The following SSBP2 variants were observed in gnomAD, a reference collection of about 807,000 sequenced individuals.
SSBP2 encodes single stranded DNA binding protein 2, also known as single-stranded DNA-binding protein 2.
SSBP2 carries 17 observed loss-of-function variants against 61.8 expected under a neutral mutation model. The observed-to-expected ratio is 0.28, with a 90% CI of 0.19 to 0.41. The LOEUF (loss-of-function observed/expected upper bound fraction) is 0.41, where lower values mean the gene tolerates loss of function less well. Ranked by LOEUF, SSBP2 falls within the 10% of genes least tolerant of loss-of-function variation. The probability of loss-of-function intolerance (pLI) is 1.00; values close to 1 mark genes in which losing one functional copy is unlikely to be tolerated. For synonymous variants in SSBP2, 139 were observed against 141.3 expected (o/e 0.98, Z 0.12); for missense variants, 310 against 458.7 (o/e 0.68, Z 2.96).
intron 6 of SSBP2, among the ~76,000 whole-genome samples, chr5:81,477,495 T>G (rs1279554787): frequency 6.6e-6 from 1 of 152,190 alleles, no homozygotes; most frequent in Non-Finnish European, 1.5e-5. Context: ...TGTTAGTTAC[T>G]TATTACTCCT....
chr5:81,437,376 T>C (rs748785463), intron 15 of SSBP2, 54 bp downstream of exon 15: 29 of 1,525,110 alleles, frequency 1.9e-5, no homozygotes, highest in Non-Finnish European at 2.6e-5. Context: ...TTTTAATGAG[T>C]TCCATGTTAA....
chr5:81,506,888 C>T (rs893772641), intron 5 of SSBP2, among the ~76,000 whole-genome samples: 11 of 151,840 alleles, frequency 7.2e-5, no homozygotes, highest in African/African-American at 2.7e-4. Context: ...AATTATTTTT[C>T]TCATTTTTGA....
At chr5:81,421,525 A>C (rs1580632658) in intron 16 of SSBP2, among the ~76,000 whole-genome samples, 1 of 152,130 alleles carries the variant, frequency 6.6e-6, no homozygotes, top group South Asian at 2.1e-4. Context: ...TCATTTTTGC[A>C]CGTGAGTAGG....
At chr5:81,577,003 G>A (rs1581068322) in intron 4 of SSBP2, among the ~76,000 whole-genome samples, 1 of 152,058 alleles carries the variant, frequency 6.6e-6, no homozygotes, top group East Asian at 1.9e-4. Context: ...TAAGTTCCAG[G>A]AAGGCAAGCA....
intron 1 of SSBP2, among the ~76,000 whole-genome samples, chr5:81,652,034 C>T (rs1478697037): frequency 6.6e-6 from 1 of 152,074 alleles, no homozygotes; most frequent in Admixed American, 6.6e-5. Flanking sequence ...AGAGCCAAAC[C>T]AGTGGTTAGC....
chr5:81,639,590 T>A (rs1173601543), intron 2 of SSBP2, among the ~76,000 whole-genome samples: 1 of 151,888 alleles, frequency 6.6e-6, no homozygotes, highest in African/African-American at 2.4e-5. Flanking sequence ...TAAAGTGGAA[T>A]TACAACTTTA....
chr5:81,531,181 T>G (rs2154105398), intron 4 of SSBP2, among the ~76,000 whole-genome samples: 1 of 142,982 alleles, frequency 7.0e-6, no homozygotes, highest in Admixed American at 7.4e-5. Flanking sequence ...AAGACTGCAG[T>G]GAGCCATGAC....
intron 10 of SSBP2, among the ~76,000 whole-genome samples, chr5:81,460,377 A>G (rs1253749595): frequency 6.6e-6 from 1 of 152,200 alleles, no homozygotes; most frequent in Non-Finnish European, 1.5e-5. Context: ...GGTTTCAAAG[A>G]CAAGAAGGAA....
intron 5 of SSBP2, among the ~76,000 whole-genome samples, chr5:81,500,041 C>A (rs1767581235): frequency 6.6e-6 from 1 of 152,116 alleles, no homozygotes; most frequent in African/African-American, 2.4e-5. Flanking sequence ...GGCCTATGGG[C>A]TTGATCTTCT....
chr5:81,420,443 C>T lies in SSBP2; in HGVS notation c.*61G>A. ...GTACACTGTGATGAATAATTTTCTT[C>T]CGTAGTAGTTCTGTGAAGGGCTGAC... On this transcript the variant is annotated 3_prime_UTR_variant, in exon 17 of 17. Transcript: ENST00000320672. 6.7e-7 allele frequency: 1 copy of T among 1,500,982 alleles called. No homozygotes were observed. The highest frequency in any genetic ancestry group is 9.3e-7 in the Non-Finnish European group (1 of 1,077,800). 93.0% of individuals were successfully genotyped at this position (1,500,982 alleles called of 1,614,324 possible). A position where few individuals can be genotyped will look rare whatever the true frequency, so the allele number is the denominator to read the frequency against.
intron 4 of SSBP2, among the ~76,000 whole-genome samples, chr5:81,585,823 C>T (rs1469015637): frequency 6.6e-6 from 1 of 152,168 alleles, no homozygotes; most frequent in African/African-American, 2.4e-5. Flanking sequence ...TCCCTCCCCA[C>T]CAGCCTCTGG....
intron 1 of SSBP2, among the ~76,000 whole-genome samples, chr5:81,662,733 G>C (rs1015554284): frequency 1.3e-5 from 2 of 151,846 alleles, no homozygotes; most frequent in East Asian, 3.9e-4. Context: ...CCCTGGAGGC[G>C]GAGGTTGCAG....
At chr5:81,440,755 G>A (rs1197556675) in intron 13 of SSBP2, 119 bp from the exon 14 acceptor site, 1 of 684,272 alleles carries the variant, frequency 1.5e-6, no homozygotes, top group Non-Finnish European at 2.4e-6. Flanking sequence ...TTCAAGCTAT[G>A]GAGATCTTTT....
chr5:81,579,459 C>A (rs1239847634), intron 4 of SSBP2, among the ~76,000 whole-genome samples: 3 of 151,914 alleles, frequency 2.0e-5, no homozygotes, highest in Non-Finnish European at 4.4e-5. Flanking sequence ...GCTCTAAGTG[C>A]TAAGGTCTAA....
intron 4 of SSBP2, among the ~76,000 whole-genome samples, chr5:81,515,577 G>A (rs1254772107): frequency 6.6e-6 from 1 of 151,684 alleles, no homozygotes; most frequent in African/African-American, 2.4e-5. Flanking sequence ...TCTATTCAAA[G>A]GAATAGGCAT....
chr5:81,686,584 C>T (rs906403279), intron 1 of SSBP2, among the ~76,000 whole-genome samples: 1 of 151,738 alleles, frequency 6.6e-6, no homozygotes, highest in Non-Finnish European at 1.5e-5. Flanking sequence ...GGGCCGGGCA[C>T]GGTAGCTCAT....
At chr5:81,712,933 G>A (rs1754899705) in intron 1 of SSBP2, among the ~76,000 whole-genome samples, 1 of 151,608 alleles carries the variant, frequency 6.6e-6, no homozygotes, top group Admixed American at 6.6e-5. Context: ...TCACCAGCTT[G>A]TACAGGCTGA....
At chr5:81,549,873 G>GT (rs1250266136) in intron 4 of SSBP2, among the ~76,000 whole-genome samples, 1 of 152,246 alleles carries the variant, frequency 6.6e-6, no homozygotes, top group East Asian at 1.9e-4. Flanking sequence ...TGGCACTAAG[G>GT]TTTGGTTTTT....
intron 1 of SSBP2, among the ~76,000 whole-genome samples, chr5:81,701,683 C>A (rs1753993641): frequency 6.6e-6 from 1 of 152,158 alleles, no homozygotes; most frequent in Non-Finnish European, 1.5e-5. Context: ...TGTACCAAAA[C>A]AAGCCCTCCA....
Sources: allele counts gnomAD v4.1 joint callset (sites outside exome capture counted in the v4.1 genomes callset), GRCh38; gene constraint gnomAD v4.1.1; transcripts MANE v1.5; gene names NCBI Gene and HGNC (gene_info 2026-07-23, HGNC 2026-07-21).